Variants in RUBCN observed in about 807,000 individuals in gnomAD.
RUBCN encodes the protein rubicon autophagy regulator.
In RUBCN, 74 loss-of-function variants were observed where a neutral mutation model predicts 113.2. The ratio of observed to expected loss-of-function variants is 0.65; its 90% CI spans 0.54 to 0.79. The LOEUF (loss-of-function observed/expected upper bound fraction) is 0.79, where lower values mean the gene tolerates loss of function less well. Among genes scored for constraint, RUBCN ranks in the 30% least tolerant of loss-of-function variants. The pLI, the probability that RUBCN is intolerant of heterozygous loss-of-function variation, is 0.00. For missense variants in RUBCN, 1,109 were observed against 1,251.7 expected, an observed-to-expected ratio of 0.89 and a Z score of 1.72; for synonymous variants, 480 against 490.0, an observed-to-expected ratio of 0.98 and a Z score of 0.27.
intron 5 of RUBCN, 101 bp from the exon 6 acceptor site, chr3:197,701,965 T>C (rs1184466215): frequency 3.7e-6 from 4 of 1,075,108 alleles, no homozygotes; most frequent in Admixed American, 3.9e-5. Context: ...GAAGCTACCT[T>C]TGCAGTAGGC....
chr3:197,693,084 T>C (rs1722604298), intron 11 of RUBCN, among the ~76,000 whole-genome samples: 1 of 152,160 alleles, frequency 6.6e-6, no homozygotes, highest in Non-Finnish European at 1.5e-5. Context: ...TGATGGGAAC[T>C]TGAAGAGATC....
rs1580175927 is a variant in RUBCN at position 197,683,513 on chromosome 3, C to T, written c.1848-74G>A. On this transcript the variant is annotated intron_variant, in intron 12 of 19. Coordinates refer to ENST00000296343, the MANE Select transcript of RUBCN (RefSeq NM_014687.4). The surrounding 1 kb of genome is among the most constrained non-coding windows in gnomAD (Gnocchi z 4.6). Reference sequence around the variant, plus strand: ...GATGCGAGGCTTCCCTTCATGATCTCATCCCCCACGCAGCAACTTCTGGGC... The same window carrying T: ...GATGCGAGGCTTCCCTTCATGATCTTATCCCCCACGCAGCAACTTCTGGGC... 8 of 1,566,036 alleles carry T rather than the reference C, an allele frequency of 5.1e-6. No homozygotes were observed. Among genetic ancestry groups the T allele is most frequent in the Non-Finnish European group, 7.0e-6 (8 of 1,143,616 alleles).
intron 2 of RUBCN, among the ~76,000 whole-genome samples, chr3:197,706,954 T>C (rs80310612): frequency 6.6e-6 from 1 of 152,296 alleles, no homozygotes; most frequent in East Asian, 1.9e-4. Context: ...CTCTGGTATC[T>C]GGTTGAGTGG....
intron 1 of RUBCN, among the ~76,000 whole-genome samples, chr3:197,748,635 A>G (rs868432620): frequency 3.3e-5 from 5 of 152,224 alleles, no homozygotes; most frequent in African/African-American, 1.2e-4. Flanking sequence ...TATCCATGCT[A>G]CATATACAGG....
In RUBCN at chr3:197,729,062, C is replaced by T. The variant is rs1042745601; in HGVS notation, c.65+7593G>A. ...GCGGATCACGAGGTCAGGAGAATGGCGTGAACCCGGGAGGCGGAGCTTGCA... is the reference window on the plus strand; with the variant it reads ...GCGGATCACGAGGTCAGGAGAATGGTGTGAACCCGGGAGGCGGAGCTTGCA... On this transcript the variant is annotated intron_variant, in intron 1 of 19. Transcript: ENST00000296343. Among the ~76,000 whole-genome samples, 8 of 149,086 alleles carry T rather than the reference C, an allele frequency of 5.4e-5. No individual in the cohort carries two copies. The East Asian group carries it at 6.2e-4, about 12-fold the overall frequency.
At chr3:197,715,444 T>C (rs1725420227) in intron 2 of RUBCN, among the ~76,000 whole-genome samples, 1 of 152,210 alleles carries the variant, frequency 6.6e-6, no homozygotes, top group Non-Finnish European at 1.5e-5. Flanking sequence ...CAATATTTTA[T>C]AAATAGTTCT....
chr3:197,730,885 C>CTTTTTTTTTTTTTT (rs71166707), intron 1 of RUBCN, among the ~76,000 whole-genome samples: 4 of 49,996 alleles, frequency 8.0e-5, no homozygotes, highest in South Asian at 8.5e-4. Flanking sequence ...TTAAAAGCAT[C>CTTTTTTTTTTTTTT]TTTTTTTTTT....
At chr3:197,677,718 C>G (rs1350711580) in intron 16 of RUBCN, among the ~76,000 whole-genome samples, 177 bp from the exon 17 acceptor site, 1 of 150,588 alleles carries the variant, frequency 6.6e-6, no homozygotes, top group South Asian at 2.1e-4. Flanking sequence ...TGACTCGACA[C>G]CTGGCTTCAG....
At chr3:197,707,610 T>C (rs1442835791) in intron 2 of RUBCN, among the ~76,000 whole-genome samples, 1 of 152,110 alleles carries the variant, frequency 6.6e-6, no homozygotes, top group African/African-American at 2.4e-5. Context: ...ACAAATCCAC[T>C]AAGAAAAGTA....
intron 2 of RUBCN, among the ~76,000 whole-genome samples, chr3:197,708,554 CA>C (rs113534449): frequency 0.17 from 12,371 of 74,518 alleles, 515 homozygotes; most frequent in African/African-American, 0.18. Flanking sequence ...GTGGTAGACT[CA>C]AAAAAAAAAA....
chr3:197,677,633 C>G, intron 16 of RUBCN, 92 bp from the exon 17 acceptor site: 2 of 1,164,820 alleles, frequency 1.7e-6, no homozygotes, highest in Non-Finnish European at 2.6e-6. Flanking sequence ...CCCTGGGGTT[C>G]TAGAAGCCTT....
chr3:197,686,950 C>G (rs1039361178), intron 11 of RUBCN, among the ~76,000 whole-genome samples: 1 of 152,142 alleles, frequency 6.6e-6, no homozygotes, highest in African/African-American at 2.4e-5. Flanking sequence ...CAAGTAACAA[C>G]AAAAACAATG....
Position 197,695,933 on chromosome 3 carries a change from G to C in RUBCN, c.1406C>G (p.Ser469Ter). The change falls in exon 9 of 20, where the codon TCA (serine) becomes TGA (stop). Residue 469 changes from serine (S) to a stop codon, truncating the protein, a stop_gained. Coordinates refer to ENST00000296343, the MANE Select transcript of RUBCN (RefSeq NM_014687.4). LOFTEE classifies it high-confidence loss of function. ...GTAGCTGATGAGGGACTGTCCTTCT[G>C]ATGGTCTTCGGAACATGCCTTCCCC... ...CSGEGMFRRPSEGQSLISYLS... is the reference protein window; with the variant it reads ...CSGEGMFRRP The C allele has an allele frequency of 6.2e-7, 1 of 1,614,184 alleles. No individual in the cohort carries two copies.
At chr3:197,740,957 A>C (rs988603766), upstream of RUBCN, among the ~76,000 whole-genome samples, 7 of 152,156 alleles carry the variant, frequency 4.6e-5, no homozygotes, top group African/African-American at 1.7e-4. Context: ...AATTCCTGCA[A>C]CTTTCTCTCA....
intron 3 of RUBCN, among the ~76,000 whole-genome samples, 193 bp from the exon 4 acceptor site, chr3:197,704,894 C>T (rs1208164335): frequency 6.6e-6 from 1 of 151,842 alleles, no homozygotes; most frequent in Non-Finnish European, 1.5e-5. Flanking sequence ...GAAAAAGTGG[C>T]CTGGACCAAT....
chr3:197,747,181 C>T (rs1240379590), intron 1 of RUBCN, among the ~76,000 whole-genome samples: 1 of 152,086 alleles, frequency 6.6e-6, no homozygotes, highest in African/African-American at 2.4e-5. Context: ...TGCCATTACC[C>T]ACAATGCTTC....
intron 1 of RUBCN, among the ~76,000 whole-genome samples, chr3:197,725,031 A>C (rs1046172713): frequency 6.6e-6 from 1 of 152,148 alleles, no homozygotes; most frequent in African/African-American, 2.4e-5. Flanking sequence ...AACTAAAAAA[A>C]TCCCTCCCCA....
Position 197,681,047 on chromosome 3 carries a change from G to A in RUBCN, c.2430+82C>T. The A allele has an allele frequency of 1.4e-6, 1 of 701,822 alleles. No individual in the cohort carries two copies. The highest frequency in any genetic ancestry group is 2.5e-6 in the Non-Finnish European group (1 of 401,460). 43.5% of individuals were successfully genotyped at this position (701,822 alleles called of 1,614,324 possible). On this transcript the variant is annotated intron_variant, in intron 16 of 19. Coordinates refer to ENST00000296343, the MANE Select transcript of RUBCN (RefSeq NM_014687.4). This position sits in a 1 kb window ranked among gnomAD's most constrained non-coding sequence, Gnocchi z 5.5. ...AGGGGACAAGAGGAGGGGATGGGGG[G>A]AGGGGACGGGGGAGGGACGAGGGGA...
chr3:197,677,062 G>A (rs748449731), intron 17 of RUBCN, 24 bp from the exon 18 acceptor site: 10 of 1,608,970 alleles, frequency 6.2e-6, no homozygotes, highest in Non-Finnish European at 7.6e-6. Flanking sequence ...CAGGAGGCAG[G>A]TGAGGGAATG....
Sources: gnomAD v4.1 joint callset for allele counts (sites outside exome capture counted in the v4.1 genomes callset) on GRCh38, gnomAD v4.1.1 for gene constraint, Gnocchi (gnomAD v3.1) non-coding constraint, MANE v1.5 for transcripts, NCBI Gene and HGNC (gene_info 2026-07-23, HGNC 2026-07-21) for gene names.